RAD54L2: variants seen among roughly 807,000 people sequenced by gnomAD.
RAD54L2 encodes RAD54 like 2.
A neutral mutation model predicts 138.4 loss-of-function variants in RAD54L2; 27 were observed. The observed-to-expected ratio is 0.20, with a 90% confidence interval of 0.14 to 0.27. The LOEUF is 0.27. Among genes scored for constraint, RAD54L2 ranks in the 10% least tolerant of loss-of-function variants. RAD54L2 has a pLI of 1.00. For missense variants in RAD54L2, 1,396 were observed against 1,890.2 expected (o/e 0.74, Z 4.85); for synonymous variants, 644 against 723.2 (o/e 0.89, Z 1.76).
Position 51,627,762 on chromosome 3 carries a change from G to T in RAD54L2, c.341+8G>T. On this transcript the variant is annotated splice_region_variant and intron_variant, in intron 4 of 22. Coordinates refer to ENST00000684192, the MANE Select transcript of RAD54L2 (RefSeq NM_015106.4). ...CATGAGAAGAAACATACGGTGAGCTGTGCTCTGTGTAAGAGGAGAGGGAAA... is the reference window on the plus strand; with the variant it reads ...CATGAGAAGAAACATACGGTGAGCTTTGCTCTGTGTAAGAGGAGAGGGAAA... 6.2e-7 allele frequency: 1 copy of T among 1,613,648 alleles called. No homozygotes were observed. The highest frequency in any genetic ancestry group is 8.5e-7 in the Non-Finnish European group (1 of 1,179,600).
chr3:51,652,983 T>C (rs548450429), intron 19 of RAD54L2, among the ~76,000 whole-genome samples: 1 of 152,046 alleles, frequency 6.6e-6, no homozygotes, highest in South Asian at 2.1e-4. Context: ...ACCATCAGAG[T>C]GAACAGGCAA....
chr3:51,606,824 A>G (rs1700191571), intron 3 of RAD54L2, among the ~76,000 whole-genome samples: 1 of 151,744 alleles, frequency 6.6e-6, no homozygotes, highest in Non-Finnish European at 1.5e-5. Context: ...ATGGTATTAC[A>G]GGCGCCTGCC....
intron 9 of RAD54L2, among the ~76,000 whole-genome samples, chr3:51,635,302 T>C (rs1700958551): frequency 6.6e-6 from 1 of 152,118 alleles, no homozygotes; most frequent in Non-Finnish European, 1.5e-5. Flanking sequence ...TCCAAGGGGG[T>C]TGTCATTTTC....
At position 51,639,053 on chromosome 3, in the gene RAD54L2, A is replaced by C. The variant is rs192760237; in HGVS notation, c.1861-366A>C. ...GTGATTGGTCTACTATAAGTCAGATACATTTTGTCTATAGTTTTATACAGT... is the reference window on the plus strand; with the variant it reads ...GTGATTGGTCTACTATAAGTCAGATCCATTTTGTCTATAGTTTTATACAGT... On this transcript the variant is annotated intron_variant, in intron 12 of 22. Transcript: ENST00000684192. 3.1e-5 allele frequency: 7 copies of C among 228,778 alleles called. No individual in the cohort carries two copies. In the Admixed American group the frequency reaches 3.1e-4, roughly 10 times the overall value. The allele number at this position is 228,778 out of a possible 1,614,324, so 14.2% of individuals were successfully genotyped here. A position where few individuals can be genotyped will look rare whatever the true frequency, so the allele number is the denominator to read the frequency against.
intron 3 of RAD54L2, among the ~76,000 whole-genome samples, chr3:51,618,636 A>G (rs990984426): frequency 6.6e-6 from 1 of 152,212 alleles, no homozygotes; most frequent in Non-Finnish European, 1.5e-5. Flanking sequence ...AAGGAACTAC[A>G]GTGGAGAGCC....
rs779996823 is a variant in RAD54L2 at position 51,663,225 on chromosome 3, T to C, written c.4209T>C (p.Pro1403=). 3 of 1,613,850 alleles carry C rather than the reference T, an allele frequency of 1.9e-6. No homozygotes were observed. Among genetic ancestry groups the C allele is most frequent in the Non-Finnish European group, 1.7e-6 (2 of 1,179,888 alleles). ...EPRMFAPFPS[P]VLPSNLSRGM... ...GGATGTTTGCGCCTTTTCCTTCCCC[T>C]GTCTTGCCCAGCAACCTTTCGCGGG... The change falls in exon 23 of 23, where the codon CCT becomes CCC. Residue 1403 remains proline (P), a synonymous_variant. Coordinates refer to ENST00000684192, the MANE Select transcript of RAD54L2 (RefSeq NM_015106.4).
chr3:51,663,367 T>A lies in RAD54L2; in HGVS notation c.4351T>A (p.Ser1451Thr). ...SHEVAEVGFS[S>T]NDDEDKDDDV... ...TGAGGTTGCCGAGGTTGGGTTCAGC[T>A]CCAATGATGATGAGGATAAAGACGA... is the stretch of plus-strand genomic sequence containing the variant. The change falls in exon 23 of 23, where the codon TCC becomes ACC. Residue 1451 changes from serine to threonine, a missense_variant. Physicochemically the swap from Ser to Thr is moderately conservative, Grantham distance 58. Around this residue, in one of 7 missense-constraint regions of RAD54L2, gnomAD observed 634 missense variants for 711.2 expected, o/e 0.89. Transcript: ENST00000684192. 6.2e-7 allele frequency: 1 copy of A among 1,613,660 alleles called. No homozygotes were observed. Among genetic ancestry groups the A allele is most frequent in the Non-Finnish European group, 8.5e-7 (1 of 1,179,844 alleles).
At chr3:51,548,971 A>G (rs547461034) in intron 2 of RAD54L2, among the ~76,000 whole-genome samples, 1 of 151,790 alleles carries the variant, frequency 6.6e-6, no homozygotes, top group East Asian at 1.9e-4. Flanking sequence ...TTACAGGTGC[A>G]GGCCACCATG....
chr3:51,650,151 A>G (rs368409206), intron 19 of RAD54L2, among the ~76,000 whole-genome samples: 176 of 152,366 alleles, frequency 1.2e-3, no homozygotes, highest in African/African-American at 4.1e-3. Context: ...CGCTATTAAA[A>G]TAGACTTCAA....
chr3:51,556,179 A>G (rs779107914), intron 2 of RAD54L2, among the ~76,000 whole-genome samples: 11 of 152,070 alleles, frequency 7.2e-5, no homozygotes, highest in African/African-American at 1.4e-4. Context: ...TGTGCCTCTC[A>G]TGGTAGCCTA....
rs1431615650 is a variant in RAD54L2, at chr3:51,591,114, G to A, written c.139+555G>A. Among the ~76,000 whole-genome samples, 4 of 152,218 alleles carry A rather than the reference G, an allele frequency of 2.6e-5. No individual in the cohort carries two copies. The South Asian group carries it at 8.3e-4, about 32-fold the overall frequency. On this transcript the variant is annotated intron_variant, in intron 3 of 22. Coordinates refer to ENST00000684192, the MANE Select transcript of RAD54L2 (RefSeq NM_015106.4). The stretch of plus-strand genomic sequence containing the variant: ...ACTATAAATTGCCCCTACTGGGAGG[G>A]CACTACATCTCCATAGCTGGTAGAT...
chr3:51,623,791 C>T (rs930227273), intron 3 of RAD54L2, among the ~76,000 whole-genome samples: 3 of 151,618 alleles, frequency 2.0e-5, no homozygotes, highest in Non-Finnish European at 4.4e-5. Context: ...CTGGCTAACA[C>T]GGTGAAACCC....
chr3:51,573,532 G>C (rs1236091713), intron 2 of RAD54L2, among the ~76,000 whole-genome samples: 2 of 152,032 alleles, frequency 1.3e-5, no homozygotes, highest in South Asian at 4.1e-4. Context: ...CACCTCCTGG[G>C]TTCAAATGAT....
chr3:51,642,687 G>GGAGT (rs1701170778), intron 15 of RAD54L2, among the ~76,000 whole-genome samples: 1 of 152,096 alleles, frequency 6.6e-6, no homozygotes, highest in Admixed American at 6.6e-5. Flanking sequence ...AATGTCCCGT[G>GGAGT]GGGAGTGGGA....
In RAD54L2 at chr3:51,627,659, A is replaced by G. The variant is rs769850029; in HGVS notation, c.246A>G (p.Ser82=). 3.7e-6 allele frequency: 6 copies of G among 1,607,192 alleles called. No individual in the cohort carries two copies. Among genetic ancestry groups the G allele is most frequent in the Non-Finnish European group, 5.1e-6 (6 of 1,176,950 alleles). The change falls in exon 4 of 23, where the codon TCA becomes TCG. Residue 82 remains serine, a synonymous_variant. Transcript: ENST00000684192. ...TSTTSSQSEP[S]EQLRRHQGKN... ...CTACCTCATCTCAGTCTGAGCCTTC[A>G]GAGCAGCTTAGGCGCCACCAAGGCA... is the stretch of plus-strand genomic sequence containing the variant.
chr3:51,586,866 G>A (rs1329028791), intron 2 of RAD54L2, among the ~76,000 whole-genome samples: 30 of 152,018 alleles, frequency 2.0e-4, no homozygotes. Context: ...ACCATGCCTG[G>A]CCAAAACACT....
At chr3:51,566,469 T>G (rs904029541) in intron 2 of RAD54L2, among the ~76,000 whole-genome samples, 5 of 123,512 alleles carry the variant, frequency 4.0e-5, no homozygotes, top group Non-Finnish European at 6.9e-5. Flanking sequence ...TTTCTGCGTT[T>G]TTTTTTTTTT....
At chr3:51,600,434 A>G (rs1414944781) in intron 3 of RAD54L2, among the ~76,000 whole-genome samples, 2 of 152,102 alleles carry the variant, frequency 1.3e-5, no homozygotes, top group Admixed American at 6.6e-5. Flanking sequence ...GAACAAAATA[A>G]TGAGACTCCA....
chr3:51,613,220 A>G (rs1474898107), intron 3 of RAD54L2, among the ~76,000 whole-genome samples: 1 of 152,082 alleles, frequency 6.6e-6, no homozygotes, highest in Non-Finnish European at 1.5e-5. Context: ...TACAGACATG[A>G]GCCACCACGC....
Sources: gnomAD v4.1 joint callset for allele counts (sites outside exome capture counted in the v4.1 genomes callset) on GRCh38, gnomAD v4.1.1 for gene constraint, gnomAD v4.1.1 regional missense constraint, MANE v1.5 for transcripts, NCBI Gene and HGNC (gene_info 2026-07-23, HGNC 2026-07-21) for gene names.